ENPP1: variants seen among roughly 807,000 people sequenced by gnomAD.
ENPP1 encodes the protein ectonucleotide pyrophosphatase/phosphodiesterase 1, also known as ectonucleotide pyrophosphatase/phosphodiesterase family member 1.
A neutral mutation model predicts 122.8 loss-of-function variants in ENPP1; 73 were observed. The ratio of observed to expected loss-of-function variants is 0.59; its 90% CI spans 0.49 to 0.72. The LOEUF (loss-of-function observed/expected upper bound fraction) is 0.72, where lower values mean the gene tolerates loss of function less well. ENPP1 is among the 30% of genes least tolerant of loss of function. ENPP1 has a pLI of 0.00. For synonymous variants in ENPP1, 367 were observed against 391.6 expected (o/e 0.94, Z 0.74); for missense variants, 978 against 1,128.1 (o/e 0.87, Z 1.91).
rs1172634416 is a variant in ENPP1, at chr6:131,811,424, CTATATCTATA to C, written c.240+3155_240+3164del. On this transcript the variant is annotated intron_variant, in intron 1 of 24. Transcript: ENST00000647893. ...TCTATATCTATATCTATATCTATAT[CTATATCTATA>C]TATATGTAGAGAGTCCGTTTGGCTC... Among the ~76,000 whole-genome samples, 238 of 146,968 alleles carry C rather than the reference CTATATCTATA, an allele frequency of 1.6e-3. 2 individuals carry two copies. Among genetic ancestry groups the C allele is most frequent in the African/African-American group, 6.1e-3 (233 of 37,924 alleles).
chr6:131,871,471 T>C (rs1562180979), intron 13 of ENPP1, among the ~76,000 whole-genome samples: 1 of 152,174 alleles, frequency 6.6e-6, no homozygotes, highest in South Asian at 2.1e-4. Flanking sequence ...GTATACAAAG[T>C]AAAAAGAAAC....
At chr6:131,839,640 A>G (rs958864190) in intron 1 of ENPP1, among the ~76,000 whole-genome samples, 1 of 152,190 alleles carries the variant, frequency 6.6e-6, no homozygotes, top group African/African-American at 2.4e-5. Context: ...TATAAACACT[A>G]AGAAGATGAC....
At chr6:131,873,163 T>C (rs999781897) in intron 15 of ENPP1, 113 bp downstream of exon 15, 2 of 1,212,934 alleles carry the variant, frequency 1.6e-6, no homozygotes, top group African/African-American at 1.5e-5. Flanking sequence ...AGTATGATTC[T>C]CTTCACTCTA....
intron 1 of ENPP1, chr6:131,828,271 C>A: frequency 1.8e-6 from 1 of 541,422 alleles, no homozygotes; most frequent in South Asian, 1.5e-5. Context: ...GAACCCTGCT[C>A]TGTGTCAGCT....
intron 6 of ENPP1, 58 bp from the exon 7 acceptor site, chr6:131,858,610 T>G: frequency 8.8e-7 from 1 of 1,134,962 alleles, no homozygotes; most frequent in Non-Finnish European, 1.3e-6. Flanking sequence ...CACTGCTAAA[T>G]GAGGTAAGCC....
chr6:131,877,326 C>A, intron 18 of ENPP1, 165 bp downstream of exon 18: 1 of 708,970 alleles, frequency 1.4e-6, no homozygotes, highest in Non-Finnish European at 2.4e-6. Context: ...TGTGATATAT[C>A]TTTTCTCTTT....
chr6:131,888,547 G>T (rs1391351423), intron 24 of ENPP1, among the ~76,000 whole-genome samples: 2 of 152,062 alleles, frequency 1.3e-5, no homozygotes, highest in Admixed American at 6.5e-5. Context: ...CATCCCTGAT[G>T]GTAGTAGTCT....
chr6:131,853,937 A>T (rs1781912610), intron 5 of ENPP1, among the ~76,000 whole-genome samples: 1 of 152,106 alleles, frequency 6.6e-6, no homozygotes, highest in South Asian at 2.1e-4. Flanking sequence ...CTCCTTTTTG[A>T]AATTTCCACA....
intron 1 of ENPP1, among the ~76,000 whole-genome samples, chr6:131,833,488 G>A (rs1038282182): frequency 2.7e-5 from 4 of 150,428 alleles, no homozygotes; most frequent in Non-Finnish European, 5.9e-5. Context: ...TTGTTTTTTT[G>A]GCTTTACAGG....
chr6:131,819,444 T>A (rs1781456940), intron 1 of ENPP1, among the ~76,000 whole-genome samples: 1 of 152,254 alleles, frequency 6.6e-6, no homozygotes, highest in Non-Finnish European at 1.5e-5. Flanking sequence ...CACTAAATGT[T>A]AAATACACAG....
intron 1 of ENPP1, among the ~76,000 whole-genome samples, chr6:131,838,471 ATTTGG>A (rs1562515912): frequency 1.3e-5 from 2 of 152,142 alleles, no homozygotes; most frequent in African/African-American, 4.8e-5. Flanking sequence ...AGTGGTAAAT[ATTTGG>A]TAAGTTTAAA....
chr6:131,869,089 A>G (rs1782125646), intron 12 of ENPP1, among the ~76,000 whole-genome samples: 1 of 152,222 alleles, frequency 6.6e-6, no homozygotes. Context: ...TAAAAATGTG[A>G]TAAGACATTC....
chr6:131,848,609 G>C (rs1262303963), intron 2 of ENPP1, among the ~76,000 whole-genome samples: 1 of 152,134 alleles, frequency 6.6e-6, no homozygotes, highest in African/African-American at 2.4e-5. Flanking sequence ...CAGAACACAT[G>C]TATCTAAGTT....
chr6:131,879,853 A>G (rs376448941), intron 19 of ENPP1, 27 bp from the exon 20 acceptor site: 16 of 1,599,796 alleles, frequency 1.0e-5, no homozygotes, highest in Non-Finnish European at 1.4e-5. Flanking sequence ...CACACTAACT[A>G]CATTTATTTT....
intron 8 of ENPP1, among the ~76,000 whole-genome samples, chr6:131,860,983 A>T (rs952266432): frequency 1.6e-4 from 24 of 152,152 alleles, no homozygotes; most frequent in Non-Finnish European, 2.6e-4. Context: ...AAAATTTTTT[A>T]AAAATTGCCA....
chr6:131,831,886 G>C (rs912943797), intron 1 of ENPP1, among the ~76,000 whole-genome samples: 1 of 152,088 alleles, frequency 6.6e-6, no homozygotes, highest in African/African-American at 2.4e-5. Flanking sequence ...CTCCTTGATG[G>C]TGGAGTATCT....
intron 3 of ENPP1, among the ~76,000 whole-genome samples, chr6:131,850,772 T>C (rs564623551): frequency 1.1e-4 from 16 of 152,258 alleles, no homozygotes; most frequent in Admixed American, 9.8e-4. Flanking sequence ...TCTCACTACA[T>C]TGCCCAGGTT....
At position 131,868,008 on chromosome 6, in the gene ENPP1, C is replaced by A; in HGVS notation, c.1165-10C>A. On this transcript the variant is annotated splice_polypyrimidine_tract_variant and intron_variant, in intron 11 of 24. Coordinates refer to ENST00000647893, the MANE Select transcript of ENPP1 (RefSeq NM_006208.3). ...AGGTATCACATGAGGTTGTTGCTTC[C>A]CATTCTTAGGTCATCAAAGCCTTGC... 6.3e-7 allele frequency: 1 copy of A among 1,593,116 alleles called. No individual in the cohort carries two copies.
chr6:131,875,892 T>C (rs762699827), intron 17 of ENPP1, 29 bp downstream of exon 17: 6 of 1,543,054 alleles, frequency 3.9e-6, no homozygotes, highest in Non-Finnish European at 5.4e-6. Flanking sequence ...CTTTTTTCCC[T>C]TCTGAAAATA....
Sources: gnomAD v4.1 joint callset for allele counts (sites outside exome capture counted in the v4.1 genomes callset) on GRCh38, gnomAD v4.1.1 for gene constraint, MANE v1.5 for transcripts, NCBI Gene and HGNC (gene_info 2026-07-23, HGNC 2026-07-21) for gene names.